LRP1B: variants seen among roughly 807,000 people sequenced by gnomAD.
The protein encoded by LRP1B is low-density lipoprotein receptor-related protein 1B.
A neutral mutation model predicts 556.6 loss-of-function variants in LRP1B; 217 were observed. The observed-to-expected ratio is 0.39, with a 90% CI of 0.35 to 0.44. LRP1B has a LOEUF of 0.44. Ranked by LOEUF, LRP1B falls within the 20% of genes least tolerant of loss-of-function variation. LRP1B has a pLI of 1.00. For synonymous variants in LRP1B, 2,047 were observed against 1,865.8 expected (o/e 1.10, Z -2.50); for missense variants, 5,053 against 5,620.8 (o/e 0.90, Z 3.23).
chr2:141,563,198 C>G (rs1413754010), intron 2 of LRP1B, among the ~76,000 whole-genome samples: 1 of 151,974 alleles, frequency 6.6e-6, no homozygotes, highest in Admixed American at 6.6e-5. Flanking sequence ...ATTAATTCAG[C>G]TCTAAACACA....
intron 1 of LRP1B, among the ~76,000 whole-genome samples, chr2:141,976,838 T>C (rs1294793319): frequency 6.6e-6 from 1 of 152,106 alleles, no homozygotes; most frequent in Non-Finnish European, 1.5e-5. Context: ...CTAGTTAGCA[T>C]AAATGTTTTA....
chr2:141,506,072 C>CA (rs1386596353), intron 2 of LRP1B, among the ~76,000 whole-genome samples: 1 of 151,968 alleles, frequency 6.6e-6, no homozygotes, highest in Non-Finnish European at 1.5e-5. Flanking sequence ...TGTCATTAGA[C>CA]AAACGAGAGG....
chr2:140,918,063 C>T (rs1306410791), intron 21 of LRP1B, among the ~76,000 whole-genome samples: 1 of 151,858 alleles, frequency 6.6e-6, no homozygotes, highest in Non-Finnish European at 1.5e-5. Flanking sequence ...ATATATTACC[C>T]ATTTTATTCA....
At chr2:141,399,684 T>G (rs879349240) in intron 3 of LRP1B, among the ~76,000 whole-genome samples, 4 of 152,166 alleles carry the variant, frequency 2.6e-5, no homozygotes, top group African/African-American at 9.7e-5. Flanking sequence ...CTTAAAGACG[T>G]TCTCATTGAA....
chr2:140,512,326 A>G (rs1197102713), intron 51 of LRP1B, among the ~76,000 whole-genome samples: 5 of 152,178 alleles, frequency 3.3e-5, no homozygotes, highest in Admixed American at 6.5e-5. Flanking sequence ...CCAAAACATC[A>G]TAGTCAATTG....
chr2:141,583,417 G>A (rs528109813), intron 2 of LRP1B, among the ~76,000 whole-genome samples: 1 of 151,902 alleles, frequency 6.6e-6, no homozygotes, highest in African/African-American at 2.4e-5. Context: ...TTTGCTTATG[G>A]CAAAACAAAT....
chr2:141,439,463 T>A (rs1313941265), intron 3 of LRP1B, among the ~76,000 whole-genome samples: 1 of 151,590 alleles, frequency 6.6e-6, no homozygotes, highest in Non-Finnish European at 1.5e-5. Flanking sequence ...TTTTTAAAAA[T>A]CTTATTTATA....
chr2:140,777,014 C>T (rs1430808957), intron 32 of LRP1B, among the ~76,000 whole-genome samples: 2 of 152,136 alleles, frequency 1.3e-5, no homozygotes, highest in African/African-American at 2.4e-5. Context: ...TATTTCATCT[C>T]CCTATCTGAA....
chr2:142,112,374 A>G (rs900381813), intron 1 of LRP1B, among the ~76,000 whole-genome samples: 1 of 152,114 alleles, frequency 6.6e-6, no homozygotes, highest in East Asian at 1.9e-4. Context: ...AGAATTAAGA[A>G]AAAGAACAAC....
At chr2:141,208,454 C>T (rs1682379230) in intron 6 of LRP1B, 1 of 152,220 alleles carries the variant, frequency 6.6e-6, no homozygotes, top group African/African-American at 2.4e-5. Context: ...TGGCTACTGG[C>T]ATAGAGAGTA....
intron 20 of LRP1B, among the ~76,000 whole-genome samples, chr2:140,926,606 G>A (rs1694894161): frequency 6.6e-6 from 1 of 152,046 alleles, no homozygotes; most frequent in African/African-American, 2.4e-5. Flanking sequence ...GTCTCCCAAA[G>A]TTCTGGGATT....
intron 7 of LRP1B, among the ~76,000 whole-genome samples, chr2:141,075,187 C>G (rs764114086): frequency 1.3e-5 from 2 of 151,758 alleles, no homozygotes; most frequent in Non-Finnish European, 2.9e-5. Flanking sequence ...TAGGGAGATA[C>G]CAGTTTGGTA....
At position 141,422,194 on chromosome 2, in the gene LRP1B, A is replaced by G. The variant is rs1461748450; in HGVS notation, c.343+58202T>C. 2.6e-5 allele frequency among the ~76,000 whole-genome samples: 4 copies of G among 152,238 alleles called. No individual in the cohort carries two copies. In the East Asian group the frequency reaches 5.8e-4, roughly 22 times the overall value. On this transcript the variant is annotated intron_variant, in intron 3 of 90. Coordinates refer to ENST00000389484, the MANE Select transcript of LRP1B (RefSeq NM_018557.3). Reference sequence around the variant, plus strand: ...ATAACAAAAGGCAAATGAGTTGGGCATACACCACTCATTAAATGTTATCTT... The same window carrying G: ...ATAACAAAAGGCAAATGAGTTGGGCGTACACCACTCATTAAATGTTATCTT...
At chr2:141,732,099 T>C (rs941209667) in intron 2 of LRP1B, among the ~76,000 whole-genome samples, 2 of 152,160 alleles carry the variant, frequency 1.3e-5, no homozygotes, top group African/African-American at 4.8e-5. Flanking sequence ...TAAATGGTAA[T>C]GACCTTCTCA....
In LRP1B at chr2:140,585,464, A is replaced by T. The variant is rs1681947969; in HGVS notation, c.7194+13167T>A. ...TACTACCAAGACTGCCTCCATGTCT[A>T]AAATATTCAAGATGTGGCACCATCT... On this transcript the variant is annotated intron_variant, in intron 43 of 90. Coordinates refer to ENST00000389484, the MANE Select transcript of LRP1B (RefSeq NM_018557.3). 3.9e-5 allele frequency among the ~76,000 whole-genome samples: 6 copies of T among 152,158 alleles called. No homozygotes were observed. The South Asian group carries it at 1.2e-3, about 31-fold the overall frequency.
chr2:140,370,192 CAA>C (rs750276409), intron 71 of LRP1B, among the ~76,000 whole-genome samples: 3 of 151,596 alleles, frequency 2.0e-5, no homozygotes, highest in Non-Finnish European at 2.9e-5. Flanking sequence ...TTTAGACTGA[CAA>C]AAAAATGTAG....
intron 1 of LRP1B, among the ~76,000 whole-genome samples, chr2:142,098,915 C>T (rs13015942): frequency 0.49 from 74,140 of 151,482 alleles, 18,567 homozygotes; most frequent in East Asian, 0.69. Flanking sequence ...AGATAATTCA[C>T]TTTTGTTAAT....
intron 3 of LRP1B, among the ~76,000 whole-genome samples, chr2:141,374,639 T>G: frequency 6.6e-6 from 1 of 152,268 alleles, no homozygotes; most frequent in Non-Finnish European, 1.5e-5. Flanking sequence ...TATGAAATTT[T>G]GTTTTCTGCT....
chr2:140,702,818 C>T lies in LRP1B; in HGVS notation c.6024-265G>A, dbSNP rs1050548807. Among the ~76,000 whole-genome samples, 3 of 152,074 alleles carry T rather than the reference C, an allele frequency of 2.0e-5. No homozygotes were observed. The South Asian group carries it at 6.2e-4, about 32-fold the overall frequency. On this transcript the variant is annotated intron_variant, in intron 37 of 90. Coordinates refer to ENST00000389484, the MANE Select transcript of LRP1B (RefSeq NM_018557.3). ...TGCCTGCTATTTCCTGTCTCAAATG[C>T]TCTTCTCCAATCTGTTTGCCTAATT...
Sources: allele counts gnomAD v4.1 joint callset (sites outside exome capture counted in the v4.1 genomes callset), GRCh38; gene constraint gnomAD v4.1.1; transcripts MANE v1.5; gene names NCBI Gene and HGNC (gene_info 2026-07-23, HGNC 2026-07-21).